The following USP43 variants were observed in gnomAD, a reference collection of about 807,000 sequenced individuals.
USP43 encodes the protein ubiquitin carboxyl-terminal hydrolase 43.
Under a neutral mutation model 90.7 loss-of-function variants are expected in USP43, and 33 were observed. The ratio of observed to expected loss-of-function variants is 0.36; its 90% confidence interval spans 0.28 to 0.49. The LOEUF (loss-of-function observed/expected upper bound fraction) is 0.49, where lower values mean the gene tolerates loss of function less well. Among genes scored for constraint, USP43 ranks in the 20% least tolerant of loss-of-function variants. USP43 has a pLI of 0.98. For synonymous variants in USP43, 598 were observed against 615.8 expected (o/e 0.97, Z 0.43); for missense variants, 1,274 against 1,476.4 (o/e 0.86, Z 2.25).
At chr17:9,693,309 T>G (rs1186209399) in intron 9 of USP43, 79 bp downstream of exon 9, 7 of 1,162,522 alleles carry the variant, frequency 6.0e-6, no homozygotes, top group Non-Finnish European at 8.8e-6. Flanking sequence ...TATATGTCAA[T>G]GAGATTGCTC....
Position 9,701,112 on chromosome 17 carries a change from C to T in USP43, c.1536-7C>T, listed in dbSNP as rs749396598. The T allele has an allele frequency of 2.3e-5, 33 of 1,459,596 alleles. No individual in the cohort carries two copies. Among genetic ancestry groups the T allele is most frequent in the Admixed American group, 5.4e-5 (2 of 36,870 alleles). 90.4% of individuals were successfully genotyped at this position (1,459,596 alleles called of 1,614,324 possible). Reference sequence around the variant, plus strand: ...TCCTGAACGCCGTGGGTGTCCTCTCCGTGCAGCCTGTTCGGGAGCCTCCAG... The same window carrying T: ...TCCTGAACGCCGTGGGTGTCCTCTCTGTGCAGCCTGTTCGGGAGCCTCCAG... On this transcript the variant is annotated splice_polypyrimidine_tract_variant and splice_region_variant and intron_variant, in intron 10 of 14. Transcript: ENST00000285199. The surrounding 1 kb of genome is among the most constrained non-coding windows in gnomAD (Gnocchi z 7.2).
At chr17:9,672,113 C>T (rs946767012) in intron 3 of USP43, among the ~76,000 whole-genome samples, 8 of 152,274 alleles carry the variant, frequency 5.3e-5, no homozygotes, top group African/African-American at 1.7e-4. Context: ...TCTTCTGCCT[C>T]AACTTCCCAA....
chr17:9,711,095 T>A (rs1916168524), intron 13 of USP43, among the ~76,000 whole-genome samples: 1 of 151,982 alleles, frequency 6.6e-6, no homozygotes, highest in African/African-American at 2.4e-5. Flanking sequence ...AGAAAAGAAG[T>A]TTTTCTTACT....
chr17:9,704,059 A>G (rs1915732044), intron 12 of USP43, among the ~76,000 whole-genome samples: 2 of 152,120 alleles, frequency 1.3e-5, no homozygotes, highest in Non-Finnish European at 2.9e-5. Flanking sequence ...TCCGTGTGGA[A>G]TGGGGTCTGG....
intron 12 of USP43, among the ~76,000 whole-genome samples, chr17:9,706,909 C>G (rs1332892774): frequency 6.6e-6 from 1 of 152,008 alleles, no homozygotes; most frequent in Non-Finnish European, 1.5e-5. Flanking sequence ...TCCCAAAGTG[C>G]TGGGATTACA....
rs1013414345 is a variant in USP43 at position 9,679,565 on chromosome 17, G to A, written c.970-666G>A. Among the ~76,000 whole-genome samples the A allele has an allele frequency of 8.9e-5, 11 of 124,280 alleles. No homozygotes were observed. In the South Asian group the frequency reaches 1.6e-3, roughly 18 times the overall value. The allele number at this position is 124,280 out of a possible 152,430, so 81.5% of individuals were successfully genotyped here. A position where few individuals can be genotyped will look rare whatever the true frequency, so the allele number is the denominator to read the frequency against. On this transcript the variant is annotated intron_variant, in intron 5 of 14. Transcript: ENST00000285199. Reference sequence around the variant, plus strand: ...TTTAATGACGGAGTCTCGCTCTGTCGCCCAGGCTGGAGTGCAGTGGCACGA... The same window carrying A: ...TTTAATGACGGAGTCTCGCTCTGTCACCCAGGCTGGAGTGCAGTGGCACGA...
At chr17:9,689,664 T>C (rs534566450) in intron 8 of USP43, among the ~76,000 whole-genome samples, 2 of 152,284 alleles carry the variant, frequency 1.3e-5, no homozygotes, top group East Asian at 1.9e-4. Flanking sequence ...TCCTCCCACA[T>C]TGGCCTCCCG....
chr17:9,681,603 C>T (rs1365451694), intron 6 of USP43, among the ~76,000 whole-genome samples: 1 of 147,926 alleles, frequency 6.8e-6, no homozygotes, highest in Admixed American at 7.0e-5. Context: ...AAGTGATTCT[C>T]CTGCCTCAGC....
At chr17:9,676,442 T>C (rs1913783341) in intron 4 of USP43, among the ~76,000 whole-genome samples, 1 of 152,156 alleles carries the variant, frequency 6.6e-6, no homozygotes, top group Non-Finnish European at 1.5e-5. Flanking sequence ...CCATCTCTGC[T>C]CACTACAAGC....
Position 9,712,111 on chromosome 17 carries a change from A to G in USP43, c.2314A>G (p.Ser772Gly). The G allele has an allele frequency of 6.3e-7, 1 of 1,596,404 alleles. No individual in the cohort carries two copies. Among genetic ancestry groups the G allele is most frequent in the Non-Finnish European group, 8.5e-7 (1 of 1,171,508 alleles). Reference protein sequence around the residue: ...QVPDSPIFTNSLCNQEKGGLE... With the variant: ...QVPDSPIFTNGLCNQEKGGLE... ...TCCTGACTCTCCCATCTTCACCAAC[A>G]GCCTCTGCAATCAGGAAAAGGGTAT... Residue 772 changes from serine (S) to glycine (G), a missense_variant, in exon 14 of 15, where the codon AGC (serine) becomes GGC (glycine). Transcript: ENST00000285199.
At chr17:9,711,025 G>T (rs1698132236) in intron 13 of USP43, among the ~76,000 whole-genome samples, 1 of 151,894 alleles carries the variant, frequency 6.6e-6, no homozygotes. Context: ...CCTAACATAA[G>T]TCTAGCTTCC....
Position 9,712,117 on chromosome 17 carries a change from T to G in USP43, c.2320T>G (p.Cys774Gly), listed in dbSNP as rs778181113. The change falls in exon 14 of 15, where the codon TGC becomes GGC. Residue 774 changes from cysteine (C) to glycine (G), a missense_variant. Around this residue, in one of 6 missense-constraint regions of USP43, gnomAD observed 285 missense variants for 349.6 expected, o/e 0.82. Coordinates refer to ENST00000285199, the MANE Select transcript of USP43 (RefSeq NM_153210.5). ...CTCTCCCATCTTCACCAACAGCCTC[T>G]GCAATCAGGAAAAGGGTATGTTGGT... The part of the protein sequence containing the change: ...PDSPIFTNSL[C>G]NQEKGGLEPR... 3 of 1,593,892 alleles carry G rather than the reference T, an allele frequency of 1.9e-6. No homozygotes were observed. The highest frequency in any genetic ancestry group is 2.3e-5 in the South Asian group (2 of 88,406).
chr17:9,728,000 C>T lies in USP43; in HGVS notation c.2382C>T (p.Ser794=), dbSNP rs1240353759. Residue 794 remains serine, a synonymous_variant, in exon 15 of 15, where the codon AGC becomes AGT. Transcript: ENST00000285199. ...TGGTACGGGGCGTGAAAGGCAGAAG[C>T]ATTAGCATGAAGGCACCCACCACTT... is the stretch of plus-strand genomic sequence containing the variant. ...RRLVRGVKGR[S]ISMKAPTTSR... 6.2e-7 allele frequency: 1 copy of T among 1,612,968 alleles called. No homozygotes were observed. The highest frequency in any genetic ancestry group is 1.1e-5 in the South Asian group (1 of 91,064).
At chr17:9,676,619 G>A in intron 4 of USP43, 127 bp from the exon 5 acceptor site, 2 of 1,219,830 alleles carry the variant, frequency 1.6e-6, no homozygotes, top group South Asian at 1.8e-5. Flanking sequence ...TGATCCACCT[G>A]CTTCAGCCTC....
In USP43 at chr17:9,729,217, A is replaced by AGTTTGGCC. The variant is rs1917456753; in HGVS notation, c.*228_*235dup. 1 of 363,986 alleles carries AGTTTGGCC rather than the reference A, an allele frequency of 2.7e-6. No homozygotes were observed. The highest frequency in any genetic ancestry group is 2.1e-5 in the African/African-American group (1 of 47,846). 22.5% of individuals were successfully genotyped at this position (363,986 alleles called of 1,614,324 possible). On this transcript the variant is annotated 3_prime_UTR_variant, in exon 15 of 15. Transcript: ENST00000285199. ...CCTGCATCATTGGGTGCTTTGCTAC[A>AGTTTGGCC]GTTTGGCCACTAGAGGATGCTATTG... is the stretch of plus-strand genomic sequence containing the variant.
Position 9,686,021 on chromosome 17 carries a change from AC to A in USP43, c.1242-776del, listed in dbSNP as rs1300864856. 5.3e-5 allele frequency among the ~76,000 whole-genome samples: 8 copies of A among 152,012 alleles called. No individual in the cohort carries two copies. The highest frequency in any genetic ancestry group is 1.9e-4 in the East Asian group (1 of 5,188). ...ATTCTACTCTACTTCTGTGACATTA[AC>A]TTTTTTAGATTCCACATGAGGGAGT... On this transcript the variant is annotated intron_variant, in intron 7 of 14. Coordinates refer to ENST00000285199, the MANE Select transcript of USP43 (RefSeq NM_153210.5). This position sits in a 1 kb window ranked among gnomAD's most constrained non-coding sequence, Gnocchi z 5.5.
intron 14 of USP43, among the ~76,000 whole-genome samples, chr17:9,713,246 G>A (rs1435404591): frequency 1.3e-5 from 2 of 151,932 alleles, no homozygotes; most frequent in African/African-American, 4.8e-5. Context: ...CTGCCACTAC[G>A]CCTGGCTAAT....
intron 8 of USP43, among the ~76,000 whole-genome samples, chr17:9,691,977 G>C (rs948569072): frequency 6.6e-6 from 1 of 151,296 alleles, no homozygotes; most frequent in Non-Finnish European, 1.5e-5. Context: ...GGGAGGCAGA[G>C]CTTGCAGTGA....
At chr17:9,708,794 A>G (rs1916027978) in intron 12 of USP43, among the ~76,000 whole-genome samples, 1 of 151,852 alleles carries the variant, frequency 6.6e-6, no homozygotes, top group Non-Finnish European at 1.5e-5. Flanking sequence ...CGCCCAGCTA[A>G]TTTTTTGTAT....
Sources: allele counts gnomAD v4.1 joint callset (sites outside exome capture counted in the v4.1 genomes callset), GRCh38; gene constraint gnomAD v4.1.1; regional missense constraint gnomAD v4.1.1; non-coding constraint Gnocchi (gnomAD v3.1); transcripts MANE v1.5; gene names NCBI Gene and HGNC (gene_info 2026-07-23, HGNC 2026-07-21).